Variants in CCDC34 observed in about 807,000 individuals in gnomAD.
CCDC34 encodes coiled-coil domain-containing protein 34.
Under a neutral mutation model 44.1 loss-of-function variants are expected in CCDC34, and 40 were observed. That is an observed-to-expected ratio of 0.91 (90% CI 0.70 to 1.18). The LOEUF is 1.18. CCDC34 is among the 50% of genes most tolerant of loss of function. The probability of loss-of-function intolerance (pLI) is 0.00; values close to 1 mark genes in which losing one functional copy is unlikely to be tolerated. For synonymous variants in CCDC34, 159 were observed against 158.2 expected (o/e 1.01, Z -0.04); for missense variants, 466 against 452.3 (o/e 1.03, Z -0.28).
intron 2 of CCDC34, among the ~76,000 whole-genome samples, chr11:27,352,702 C>T (rs967984196): frequency 1.3e-5 from 2 of 151,790 alleles, no homozygotes; most frequent in African/African-American, 2.4e-5. Context: ...CTTCATTTAC[C>T]TAAACTAAAA....
At chr11:27,359,028 T>C (rs1169157697) in intron 1 of CCDC34, among the ~76,000 whole-genome samples, 1 of 139,122 alleles carries the variant, frequency 7.2e-6, no homozygotes, top group Non-Finnish European at 1.5e-5. Context: ...CCTCTTTCCA[T>C]TTTTGAAAGC....
At chr11:27,348,105 T>A (rs900066807) in intron 3 of CCDC34, among the ~76,000 whole-genome samples, 5 of 152,122 alleles carry the variant, frequency 3.3e-5, no homozygotes, top group Non-Finnish European at 7.4e-5. Flanking sequence ...CTTCCTTTTT[T>A]AAAGACGCTG....
In CCDC34 at chr11:27,362,925, C is replaced by T. The variant is rs1470823087; in HGVS notation, c.270G>A (p.Val90=). The change falls in exon 1 of 6, where the codon GTG becomes GTA. Residue 90 remains valine (V), a synonymous_variant. Coordinates refer to ENST00000328697, the MANE Select transcript of CCDC34 (RefSeq NM_030771.2). ...DDGDGEDEED[V]DDEEDVDEDA... is the part of the protein sequence containing the mutation. ...CTTCATCCACGTCTTCCTCATCATC[C>T]ACGTCTTCCTCATCCTCCCCGTCAC... The T allele has an allele frequency of 3.1e-6, 5 of 1,614,030 alleles. No homozygotes were observed. Among genetic ancestry groups the T allele is most frequent in the Non-Finnish European group, 4.2e-6 (5 of 1,179,990 alleles).
intron 3 of CCDC34, 152 bp from the exon 4 acceptor site, chr11:27,341,702 A>G: frequency 2.0e-6 from 1 of 505,410 alleles, no homozygotes; most frequent in East Asian, 3.1e-5. Flanking sequence ...TTATGAAAAT[A>G]TATAACATAC....
At chr11:27,354,909 G>A (rs1565061550) in intron 2 of CCDC34, among the ~76,000 whole-genome samples, 1 of 152,070 alleles carries the variant, frequency 6.6e-6, no homozygotes, top group African/African-American at 2.4e-5. Context: ...CTCCACTATT[G>A]TCTCTCTAAC....
intron 3 of CCDC34, chr11:27,349,542 AT>A: frequency 1.1e-6 from 1 of 951,404 alleles, no homozygotes; most frequent in South Asian, 4.9e-5. Context: ...ATTTTTCCAC[AT>A]TTGTAAAACT....
At chr11:27,353,259 G>A (rs1251482416) in intron 2 of CCDC34, among the ~76,000 whole-genome samples, 6 of 151,288 alleles carry the variant, frequency 4.0e-5, no homozygotes, top group East Asian at 3.9e-4. Context: ...TGCCCTATTC[G>A]TTCGTTAAGG....
chr11:27,344,381 CACAT>C (rs917452701), intron 3 of CCDC34, among the ~76,000 whole-genome samples: 1 of 152,070 alleles, frequency 6.6e-6, no homozygotes, highest in African/African-American at 2.4e-5. Context: ...ATGTTATAAA[CACAT>C]GCATGCTGCA....
intron 3 of CCDC34, chr11:27,349,944 C>A: frequency 9.4e-7 from 1 of 1,064,128 alleles, no homozygotes; most frequent in Non-Finnish European, 1.1e-6. Context: ...CTAATTAAGC[C>A]TTGATGACCG....
At chr11:27,355,627 A>G (rs1590329958) in intron 2 of CCDC34, among the ~76,000 whole-genome samples, 1 of 152,324 alleles carries the variant, frequency 6.6e-6, no homozygotes, top group South Asian at 2.1e-4. Flanking sequence ...GTATTATTTT[A>G]TTCCTCTTAA....
rs368492832 is a variant in CCDC34, at chr11:27,350,396, C to T, written c.542G>A (p.Arg181His). 30 of 1,611,912 alleles carry T rather than the reference C, an allele frequency of 1.9e-5. No homozygotes were observed. Among genetic ancestry groups the T allele is most frequent in the Non-Finnish European group, 2.5e-5 (29 of 1,178,930 alleles). Residue 181 changes from arginine (R) to histidine (H), a missense_variant, in exon 3 of 6, where the codon CGT becomes CAT. Arg to His is a conservative substitution (Grantham distance 29). Coordinates refer to ENST00000328697, the MANE Select transcript of CCDC34 (RefSeq NM_030771.2). ...TTCAGCAATTATCTTTCTTTTTTCACGTTCTTCCATTTCTTTTCTTTTTTC... is the reference window on the plus strand; with the variant it reads ...TTCAGCAATTATCTTTCTTTTTTCATGTTCTTCCATTTCTTTTCTTTTTTC... ...QLEKRKEMEE[R>H]EKRKIIAEEK...
rs1410941396 is a variant in CCDC34, at chr11:27,357,462, C to T, written c.439G>A (p.Val147Met). ...TCTTTTTCTTTGCCAATAAACCACA[C>T]CTCCCATGGTGTCAGGCGGCTTTCT... Reference protein sequence around the residue: ...LPESRLTPWEVWFIGKEKEER... With the variant: ...LPESRLTPWEMWFIGKEKEER... Residue 147 changes from valine to methionine, a missense_variant, in exon 2 of 6, where the codon GTG becomes ATG. Physicochemically the swap from Val to Met is conservative, Grantham distance 21 (BLOSUM62 1). Transcript: ENST00000328697. 1.2e-6 allele frequency: 2 copies of T among 1,613,926 alleles called. No individual in the cohort carries two copies. The highest frequency in any genetic ancestry group is 2.7e-5 in the African/African-American group (2 of 74,916).
At chr11:27,344,450 A>G (rs1348694312) in intron 3 of CCDC34, among the ~76,000 whole-genome samples, 1 of 152,062 alleles carries the variant, frequency 6.6e-6, no homozygotes, top group African/African-American at 2.4e-5. Flanking sequence ...TATATGCTAT[A>G]ACATGTTACT....
chr11:27,339,796 C>CA, intron 5 of CCDC34, among the ~76,000 whole-genome samples: 1 of 152,178 alleles, frequency 6.6e-6, no homozygotes, highest in South Asian at 2.1e-4. Flanking sequence ...ATTAAAAATG[C>CA]AAAAAATTAA....
chr11:27,347,155 T>C (rs1862445640), intron 3 of CCDC34, among the ~76,000 whole-genome samples: 1 of 152,122 alleles, frequency 6.6e-6, no homozygotes, highest in Admixed American at 6.5e-5. Flanking sequence ...ATTAAAACAA[T>C]GGCATACCAC....
chr11:27,348,803 G>T (rs75649646), intron 3 of CCDC34: 6 of 762,300 alleles, frequency 7.9e-6, no homozygotes, highest in South Asian at 6.2e-5. Flanking sequence ...AGGTCTTAAA[G>T]AAAAAAAAAA....
intron 3 of CCDC34, among the ~76,000 whole-genome samples, chr11:27,342,731 A>G (rs1318945529): frequency 6.6e-6 from 1 of 152,224 alleles, no homozygotes; most frequent in Non-Finnish European, 1.5e-5. Flanking sequence ...CATGACCCCA[A>G]AAGTTTAAAA....
chr11:27,344,506 T>C (rs561398217), intron 3 of CCDC34, among the ~76,000 whole-genome samples: 1 of 151,826 alleles, frequency 6.6e-6, no homozygotes, highest in African/African-American at 2.4e-5. Context: ...GTACATTACA[T>C]ATATGCTATA....
chr11:27,360,950 G>A (rs1270102505), intron 1 of CCDC34, among the ~76,000 whole-genome samples: 1 of 152,146 alleles, frequency 6.6e-6, no homozygotes, highest in African/African-American at 2.4e-5. Flanking sequence ...GAAAGAATGA[G>A]GAAATTTTCT....
Sources: allele counts gnomAD v4.1 joint callset (sites outside exome capture counted in the v4.1 genomes callset), GRCh38; gene constraint gnomAD v4.1.1; transcripts MANE v1.5; gene names NCBI Gene and HGNC (gene_info 2026-07-23, HGNC 2026-07-21).